Variants in UBE2E1 observed in about 807,000 individuals in gnomAD.
UBE2E1 encodes ubiquitin conjugating enzyme E2 E1.
In UBE2E1, 6 loss-of-function variants were observed where a neutral mutation model predicts 21.4. The ratio of observed to expected loss-of-function variants is 0.28; its 90% confidence interval spans 0.15 to 0.55. The LOEUF (loss-of-function observed/expected upper bound fraction) is 0.55, where lower values mean the gene tolerates loss of function less well. Among genes scored for constraint, UBE2E1 ranks in the 20% least tolerant of loss-of-function variants. The pLI is 0.93. For synonymous variants in UBE2E1, 87 were observed against 82.7 expected (o/e 1.05, Z -0.28); for missense variants, 142 against 236.5 (o/e 0.60, Z 2.62).
At chr3:23,811,364 G>A in intron 2 of UBE2E1, 96 bp from the exon 3 acceptor site, 1 of 1,146,128 alleles carries the variant, frequency 8.7e-7, no homozygotes, top group Admixed American at 1.8e-5. Flanking sequence ...TCCAGTGATC[G>A]CGCTTAGGTT....
chr3:23,875,719 C>G (rs1700900180), intron 3 of UBE2E1, among the ~76,000 whole-genome samples: 1 of 152,176 alleles, frequency 6.6e-6, no homozygotes, highest in South Asian at 2.1e-4. Flanking sequence ...AAGATATATC[C>G]CCTATTTAGC....
At chr3:23,821,049 G>C (rs1355169828) in intron 3 of UBE2E1, among the ~76,000 whole-genome samples, 1 of 152,218 alleles carries the variant, frequency 6.6e-6, no homozygotes, top group Non-Finnish European at 1.5e-5. Context: ...GAGTAGATCA[G>C]ATCGTAATCA....
At chr3:23,888,920 A>T (rs1701270484) in intron 4 of UBE2E1, among the ~76,000 whole-genome samples, 192 bp from the exon 5 acceptor site, 1 of 152,268 alleles carries the variant, frequency 6.6e-6, no homozygotes, top group Admixed American at 6.5e-5. Context: ...CAGTGGACAT[A>T]ACATTTTAAA....
chr3:23,882,921 C>G (rs1701086961), intron 3 of UBE2E1, among the ~76,000 whole-genome samples: 1 of 152,200 alleles, frequency 6.6e-6, no homozygotes, highest in Non-Finnish European at 1.5e-5. Context: ...CCTCTCCCTC[C>G]ACACCTCCCT....
At chr3:23,889,537 T>TC in intron 5 of UBE2E1, 1 of 1,386,648 alleles carries the variant, frequency 7.2e-7, no homozygotes, top group African/African-American at 1.5e-5. Flanking sequence ...CCTTTTTTTT[T>TC]CCTGTTGCTT....
chr3:23,874,736 C>T (rs2125322585), intron 3 of UBE2E1, among the ~76,000 whole-genome samples: 1 of 152,302 alleles, frequency 6.6e-6, no homozygotes, highest in East Asian at 1.9e-4. Flanking sequence ...GTTGGATCCA[C>T]CTTTATCCTG....
At position 23,836,128 on chromosome 3, in the gene UBE2E1, A is replaced by T. The variant is rs1699969790; in HGVS notation, c.203+24618A>T. Reference sequence around the variant, plus strand: ...GGAACAAGAACTGTTTAGGATATAGATGAAATACATTGAAACAGCAAGAAG... The same window carrying T: ...GGAACAAGAACTGTTTAGGATATAGTTGAAATACATTGAAACAGCAAGAAG... On this transcript the variant is annotated intron_variant, in intron 3 of 5. Transcript: ENST00000306627. The surrounding 1 kb of genome is among the most constrained non-coding windows in gnomAD (Gnocchi z 4.1). 6.6e-6 allele frequency among the ~76,000 whole-genome samples: 1 copy of T among 152,246 alleles called. No homozygotes were observed. Among genetic ancestry groups the T allele is most frequent in the Non-Finnish European group, 1.5e-5 (1 of 68,040 alleles).
intron 3 of UBE2E1, among the ~76,000 whole-genome samples, chr3:23,873,657 A>G (rs1700851222): frequency 6.6e-6 from 1 of 152,150 alleles, no homozygotes; most frequent in Non-Finnish European, 1.5e-5. Context: ...GAGGCAGGAG[A>G]ATCACTTGAA....
At chr3:23,852,466 T>A (rs2125308188) in intron 3 of UBE2E1, among the ~76,000 whole-genome samples, 1 of 152,384 alleles carries the variant, frequency 6.6e-6, no homozygotes, top group South Asian at 2.1e-4. Flanking sequence ...TTTTGTATCC[T>A]ACAGCTTTGT....
At chr3:23,868,018 T>A (rs1700695349) in intron 3 of UBE2E1, among the ~76,000 whole-genome samples, 1 of 152,228 alleles carries the variant, frequency 6.6e-6, no homozygotes, top group Admixed American at 6.5e-5. Flanking sequence ...GTGTTCTAGA[T>A]ATTTTTTACC....
In UBE2E1 at chr3:23,845,587, C is replaced by CTGTGTG. The variant is rs372552220; in HGVS notation, c.203+34078_203+34079insGTGTGT. Among the ~76,000 whole-genome samples, 264 of 115,540 alleles carry CTGTGTG rather than the reference C, an allele frequency of 2.3e-3. 2 individuals are homozygous for CTGTGTG. Among genetic ancestry groups the CTGTGTG allele is most frequent in the African/African-American group, 6.8e-3 (206 of 30,082 alleles). 75.8% of individuals were successfully genotyped at this position (115,540 alleles called of 152,430 possible). A position where few individuals can be genotyped will look rare whatever the true frequency, so the allele number is the denominator to read the frequency against. On this transcript the variant is annotated intron_variant, in intron 3 of 5. Coordinates refer to ENST00000306627, the MANE Select transcript of UBE2E1 (RefSeq NM_003341.5). Reference sequence around the variant, plus strand: ...TCTCTCTCTCTCTCTCTCTCTCTCTCTCTGTGTGTGTGTGTGTGTGTGTGT... The same window carrying CTGTGTG: ...TCTCTCTCTCTCTCTCTCTCTCTCTCTGTGTGTCTGTGTGTGTGTGTGTGTGTGTGT...
At chr3:23,884,831 A>G (rs1485885242) in intron 3 of UBE2E1, among the ~76,000 whole-genome samples, 1 of 152,206 alleles carries the variant, frequency 6.6e-6, no homozygotes, top group Non-Finnish European at 1.5e-5. Context: ...ATCTGTAAAA[A>G]GATTTTAGAG....
At chr3:23,884,104 C>T (rs1345414651) in intron 3 of UBE2E1, among the ~76,000 whole-genome samples, 1 of 152,032 alleles carries the variant, frequency 6.6e-6, no homozygotes, top group Non-Finnish European at 1.5e-5. Context: ...CACCTTTATT[C>T]TCCAGTTTTG....
At position 23,887,794 on chromosome 3, in the gene UBE2E1, G is replaced by T; in HGVS notation, c.336+95G>T. On this transcript the variant is annotated intron_variant, in intron 4 of 5. Transcript: ENST00000306627. The surrounding 1 kb of genome is among the most constrained non-coding windows in gnomAD (Gnocchi z 4.4). ...ATTTAATTTTTAATCACAGAAACTA[G>T]ATTTATCTTATGTCCTAATAGATCT... is the stretch of plus-strand genomic sequence containing the variant. The T allele has an allele frequency of 1.4e-6, 2 of 1,453,186 alleles. No homozygotes were observed. Among genetic ancestry groups the T allele is most frequent in the South Asian group, 1.4e-5 (1 of 71,528 alleles). The allele number at this position is 1,453,186 out of a possible 1,614,324, so 90.0% of individuals were successfully genotyped here.
intron 3 of UBE2E1, among the ~76,000 whole-genome samples, chr3:23,848,095 C>T (rs1185149791): frequency 1.3e-5 from 2 of 152,286 alleles, no homozygotes; most frequent in East Asian, 3.9e-4. Context: ...CACAATAAAC[C>T]TGTGCAGTAA....
At position 23,845,589 on chromosome 3, in the gene UBE2E1, C is replaced by CTCTCTCTCTCTCTCTCTCTCTCTG. The variant is rs1553637998; in HGVS notation, c.203+34080_203+34081insCTCTCTCTCTCTCTCTCTCTCTGT. Reference sequence around the variant, plus strand: ...TCTCTCTCTCTCTCTCTCTCTCTCTCTGTGTGTGTGTGTGTGTGTGTGTGT... The same window carrying CTCTCTCTCTCTCTCTCTCTCTCTG: ...TCTCTCTCTCTCTCTCTCTCTCTCTCTCTCTCTCTCTCTCTCTCTCTCTGTGTGTGTGTGTGTGTGTGTGTGTGT... On this transcript the variant is annotated intron_variant, in intron 3 of 5. Transcript: ENST00000306627. 1.7e-4 allele frequency among the ~76,000 whole-genome samples: 21 copies of CTCTCTCTCTCTCTCTCTCTCTCTG among 121,346 alleles called. No homozygotes were observed. The East Asian group carries it at 4.8e-3, about 28-fold the overall frequency. 79.6% of individuals were successfully genotyped at this position (121,346 alleles called of 152,430 possible).
chr3:23,880,045 G>A (rs1701003772), intron 3 of UBE2E1, among the ~76,000 whole-genome samples: 1 of 151,988 alleles, frequency 6.6e-6, no homozygotes, highest in Non-Finnish European at 1.5e-5. Flanking sequence ...CCAAGAATTT[G>A]AGACCAGCCT....
intron 3 of UBE2E1, among the ~76,000 whole-genome samples, chr3:23,812,558 T>A (rs1699422375): frequency 6.6e-6 from 1 of 152,236 alleles, no homozygotes; most frequent in Non-Finnish European, 1.5e-5. Context: ...TCATTCTTAA[T>A]GTTGATTAGG....
intron 3 of UBE2E1, among the ~76,000 whole-genome samples, chr3:23,850,688 T>G (rs934127470): frequency 3.4e-5 from 5 of 149,206 alleles, no homozygotes; most frequent in Non-Finnish European, 4.5e-5. Context: ...ATTGTTTTTT[T>G]TTTTTTTTTT....
Sources: gnomAD v4.1 joint callset for allele counts (sites outside exome capture counted in the v4.1 genomes callset) on GRCh38, gnomAD v4.1.1 for gene constraint, Gnocchi (gnomAD v3.1) non-coding constraint, MANE v1.5 for transcripts, NCBI Gene and HGNC (gene_info 2026-07-23, HGNC 2026-07-21) for gene names.